The following CCDC92 variants were observed in gnomAD, a reference collection of about 807,000 sequenced individuals.
The protein encoded by CCDC92 is coiled-coil domain containing 92, also known as coiled-coil domain-containing protein 92.
Under a neutral mutation model 24.9 loss-of-function variants are expected in CCDC92, and 12 were observed. The ratio of observed to expected loss-of-function variants is 0.48; its 90% CI spans 0.31 to 0.78. The LOEUF (loss-of-function observed/expected upper bound fraction) is 0.78, where lower values mean the gene tolerates loss of function less well. Among genes scored for constraint, CCDC92 ranks in the 30% least tolerant of loss-of-function variants. The probability of loss-of-function intolerance (pLI) is 0.05; values close to 1 mark genes in which losing one functional copy is unlikely to be tolerated. For missense variants in CCDC92, 399 were observed against 439.4 expected (o/e 0.91, Z 0.82); for synonymous variants, 193 against 196.3 (o/e 0.98, Z 0.14).
In CCDC92 at chr12:123,937,807, C is replaced by T. The variant is rs1444275597; in HGVS notation, c.247G>A (p.Glu83Lys). The change falls in exon 5 of 5, where the codon GAA becomes AAA. Residue 83 changes from glutamate to lysine, a missense_variant. Transcript: ENST00000238156. The surrounding 1 kb of genome is among the most constrained non-coding windows in gnomAD (Gnocchi z 8.4). ...AGCTCTTCACATCTTTTCTTTAATT[C>T]ACTGCTTTTAGAAGTCCCGTCTCCT... ...QTGDGTSKSSELKKRCEELEA... is the reference protein window; with the variant it reads ...QTGDGTSKSSKLKKRCEELEA... 1.2e-6 allele frequency: 2 copies of T among 1,610,806 alleles called. No homozygotes were observed. Among genetic ancestry groups the T allele is most frequent in the Admixed American group, 1.7e-5 (1 of 59,756 alleles).
intron 1 of CCDC92, among the ~76,000 whole-genome samples, chr12:123,963,425 G>A (rs1956320571): frequency 6.6e-6 from 1 of 152,216 alleles, no homozygotes; most frequent in Admixed American, 6.5e-5. Flanking sequence ...GCCTATCTGA[G>A]TGAGTTTCTT....
rs1955782229 is a variant in CCDC92, at chr12:123,944,337, C to T, written c.-32G>A. ...TTCTGGAAAAGCTACCAGAGTAATT[C>T]AAGACGCTTGTACAGCACTGAAAAA... On this transcript the variant is annotated 5_prime_UTR_variant, in exon 2 of 5. Coordinates refer to ENST00000238156, the MANE Select transcript of CCDC92 (RefSeq NM_025140.3). The T allele has an allele frequency of 1.9e-6, 3 of 1,560,544 alleles. No homozygotes were observed. The highest frequency in any genetic ancestry group is 2.6e-6 in the Non-Finnish European group (3 of 1,157,122).
intron 4 of CCDC92, among the ~76,000 whole-genome samples, chr12:123,938,571 C>T (rs1294111970): frequency 1.3e-5 from 2 of 152,212 alleles, no homozygotes; most frequent in Non-Finnish European, 2.9e-5. Context: ...GGTCACCTCA[C>T]ATAGCACCCT....
At chr12:123,958,558 C>T (rs1490755119) in intron 1 of CCDC92, among the ~76,000 whole-genome samples, 6 of 152,220 alleles carry the variant, frequency 3.9e-5, no homozygotes, top group Admixed American at 3.9e-4. Flanking sequence ...GAGAGAAGGA[C>T]GAGCTGCCTC....
At chr12:123,950,829 C>T (rs1181636412) in intron 1 of CCDC92, among the ~76,000 whole-genome samples, 2 of 152,228 alleles carry the variant, frequency 1.3e-5, no homozygotes, top group African/African-American at 4.8e-5. Flanking sequence ...CTCCTGTGTG[C>T]ACATCCTCCT....
intron 1 of CCDC92, among the ~76,000 whole-genome samples, chr12:123,958,692 C>G (rs1594494661): frequency 6.6e-6 from 1 of 152,212 alleles, no homozygotes; most frequent in African/African-American, 2.4e-5. Context: ...TGTGGCAGGT[C>G]CCGCTGAGGC....
chr12:123,949,676 G>A (rs1423984686), intron 1 of CCDC92, among the ~76,000 whole-genome samples: 1 of 152,212 alleles, frequency 6.6e-6, no homozygotes, highest in Non-Finnish European at 1.5e-5. Flanking sequence ...AATCCACTAG[G>A]TAAATTAATT....
chr12:123,957,358 C>T (rs771788612), intron 1 of CCDC92, among the ~76,000 whole-genome samples: 2 of 152,218 alleles, frequency 1.3e-5, no homozygotes, highest in Non-Finnish European at 2.9e-5. Context: ...TGAGGTCATA[C>T]CTGGCAGCCA....
Position 123,937,116 on chromosome 12 carries a change from T to C in CCDC92, c.938A>G (p.Asp313Gly). Reference protein sequence around the residue: ...AQPEVKTLAVDQVNGGKVVRK... With the variant: ...AQPEVKTLAVGQVNGGKVVRK... The stretch of plus-strand genomic sequence containing the variant: ...CACCACCTTGCCTCCGTTCACCTGG[T>C]CGACCGCCAGGGTCTTCACCTCGGG... The change falls in exon 5 of 5, where the codon GAC becomes GGC. Residue 313 changes from aspartate (D) to glycine (G), a missense_variant. Asp to Gly is a moderately conservative substitution (Grantham distance 94). Coordinates refer to ENST00000238156, the MANE Select transcript of CCDC92 (RefSeq NM_025140.3). The surrounding 1 kb of genome is among the most constrained non-coding windows in gnomAD (Gnocchi z 8.4). The C allele has an allele frequency of 6.2e-7, 1 of 1,613,732 alleles. No homozygotes were observed. Among genetic ancestry groups the C allele is most frequent in the Non-Finnish European group, 8.5e-7 (1 of 1,180,010 alleles).
chr12:123,972,818 G>C lies in CCDC92; in HGVS notation c.-349C>G, dbSNP rs1289746516. The C allele has an allele frequency of 6.8e-6, 1 of 147,278 alleles. No individual in the cohort carries two copies. The highest frequency in any genetic ancestry group is 2.4e-5 in the African/African-American group (1 of 40,928). The allele number at this position is 147,278 out of a possible 1,614,324, so 9.1% of individuals were successfully genotyped here. On this transcript the variant is annotated 5_prime_UTR_variant, in exon 1 of 5. Coordinates refer to ENST00000238156, the MANE Select transcript of CCDC92 (RefSeq NM_025140.3). ...CGGCGGGCTAGGCGCCGGCGCGGCG[G>C]CGGGCCTGTGTCTGCCGGGCTGGGC...
chr12:123,937,372 T>C lies in CCDC92; in HGVS notation c.682A>G (p.Ser228Gly), dbSNP rs773223947. Reference sequence around the variant, plus strand: ...GGTTCCCGCAAAAGGAGTTTCCTGCTCTCTGCCCCGAATCTGTAGACCTCT... The same window carrying C: ...GGTTCCCGCAAAAGGAGTTTCCTGCCCTCTGCCCCGAATCTGTAGACCTCT... ...FEEVYRFGAE[S>G]RKLLLREPVD... The change falls in exon 5 of 5, where the codon AGC becomes GGC. Residue 228 changes from serine (S) to glycine (G), a missense_variant. Transcript: ENST00000238156. This position sits in a 1 kb window ranked among gnomAD's most constrained non-coding sequence, Gnocchi z 8.4. 8 of 1,614,046 alleles carry C rather than the reference T, an allele frequency of 5.0e-6. No homozygotes were observed. The East Asian group carries it at 1.8e-4, about 36-fold the overall frequency.
rs572178341 is a variant in CCDC92, at chr12:123,960,273, A to T, written c.-60+12256T>A. Among the ~76,000 whole-genome samples, 41 of 152,248 alleles carry T rather than the reference A, an allele frequency of 2.7e-4. No individual in the cohort carries two copies. In the South Asian group the frequency reaches 6.8e-3, roughly 25 times the overall value. Reference sequence around the variant, plus strand: ...ACTCAGCACCCTCCCCAACCCCATCATTAGGTACTATGCTGTATCTTGTAT... The same window carrying T: ...ACTCAGCACCCTCCCCAACCCCATCTTTAGGTACTATGCTGTATCTTGTAT... On this transcript the variant is annotated intron_variant, in intron 1 of 4. Transcript: ENST00000238156.
intron 1 of CCDC92, chr12:123,946,689 G>C (rs192564319): frequency 6.6e-6 from 1 of 152,576 alleles, no homozygotes; most frequent in Admixed American, 6.5e-5. Flanking sequence ...GAGTGCAGCT[G>C]TGGTGCCAGA....
intron 1 of CCDC92, among the ~76,000 whole-genome samples, chr12:123,961,537 T>C (rs1265915610): frequency 3.3e-5 from 5 of 152,140 alleles, no homozygotes; most frequent in Non-Finnish European, 5.9e-5. Flanking sequence ...CAGATTTAAG[T>C]TGTATATTAA....
chr12:123,968,013 AAGC>A (rs1956433290), intron 1 of CCDC92: 3 of 152,250 alleles, frequency 2.0e-5, no homozygotes, highest in Non-Finnish European at 4.4e-5. Flanking sequence ...AAATTTGTAG[AAGC>A]AGAGTATTAT....
intron 1 of CCDC92, among the ~76,000 whole-genome samples, chr12:123,952,162 T>C (rs913926126): frequency 6.6e-6 from 1 of 152,242 alleles, no homozygotes; most frequent in Admixed American, 6.5e-5. Flanking sequence ...GTTAGCTATA[T>C]TATTTTTATG....
chr12:123,961,706 T>C (rs34878139), intron 1 of CCDC92, among the ~76,000 whole-genome samples: 56,024 of 152,050 alleles, frequency 0.37, 11,023 homozygotes, highest in African/African-American at 0.5. Context: ...GCCTTTAGCT[T>C]CAGAGGAGAA....
chr12:123,944,048 C>T (rs370338507), intron 2 of CCDC92: 1 of 530,038 alleles, frequency 1.9e-6, no homozygotes, highest in Admixed American at 3.7e-5. Flanking sequence ...TAAATGGCAT[C>T]TGGAGCCAGC....
rs577968701 is a variant in CCDC92, at chr12:123,947,562, C to T, written c.-59-3198G>A. On this transcript the variant is annotated intron_variant, in intron 1 of 4. Coordinates refer to ENST00000238156, the MANE Select transcript of CCDC92 (RefSeq NM_025140.3). ...GTCTAGCTCAGGGTTTGTGAATGCA[C>T]CAATCGACACTCTGTATCTAGCTAC... Among the ~76,000 whole-genome samples the T allele has an allele frequency of 7.3e-4, 111 of 152,248 alleles. 1 individual carries two copies. The highest frequency in any genetic ancestry group is 2.6e-3 in the African/African-American group (110 of 41,542).
Sources: gnomAD v4.1 joint callset for allele counts (sites outside exome capture counted in the v4.1 genomes callset) on GRCh38, gnomAD v4.1.1 for gene constraint, Gnocchi (gnomAD v3.1) non-coding constraint, MANE v1.5 for transcripts, NCBI Gene and HGNC (gene_info 2026-07-23, HGNC 2026-07-21) for gene names.